MACROD2: variants seen among roughly 807,000 people sequenced by gnomAD.
MACROD2 encodes ADP-ribose glycohydrolase MACROD2.
MACROD2 carries 36 observed loss-of-function variants against 70.4 expected under a neutral mutation model. The observed-to-expected ratio is 0.51, with a 90% CI of 0.39 to 0.68. The LOEUF (loss-of-function observed/expected upper bound fraction) is 0.68. MACROD2 is among the 30% of genes least tolerant of loss of function. The probability of loss-of-function intolerance (pLI) is 0.00; values close to 1 mark genes in which losing one functional copy is unlikely to be tolerated. For missense variants in MACROD2, 496 were observed against 538.4 expected, an observed-to-expected ratio of 0.92 and a Z score of 0.78; for synonymous variants, 172 against 178.8, an observed-to-expected ratio of 0.96 and a Z score of 0.30.
At chr20:15,885,851 G>T in intron 10 of MACROD2, 40 bp downstream of exon 10, 1 of 1,477,162 alleles carries the variant, frequency 6.8e-7, no homozygotes, top group South Asian at 1.3e-5. Flanking sequence ...GGTAGGTAGG[G>T]GTCATTTTGT....
rs538874689 is a variant in MACROD2, at chr20:16,044,636, A to G, written c.1297A>G (p.Ile433Val). Residue 433 changes from isoleucine (I) to valine (V), a missense_variant, in exon 17 of 18, where the codon ATA (isoleucine) becomes GTA (valine). Ile to Val is a conservative substitution (Grantham distance 29). Coordinates refer to ENST00000684519, the MANE Select transcript of MACROD2 (RefSeq NM_001351661.2). ...PTESQQEDQL[I>V]AGAQDEAKEQ... is the part of the protein sequence containing the mutation. ...AGAGAGTCAACAAGAAGATCAACTA[A>G]TAGGTAAGATGCCCCTTGTGGTGAG... 1.9e-5 allele frequency: 30 copies of G among 1,611,444 alleles called. No individual in the cohort carries two copies. The highest frequency in any genetic ancestry group is 2.5e-5 in the Non-Finnish European group (30 of 1,178,068).
chr20:15,421,860 G>A (rs549877250), intron 6 of MACROD2, among the ~76,000 whole-genome samples: 2 of 152,320 alleles, frequency 1.3e-5, no homozygotes, highest in African/African-American at 4.8e-5. Context: ...GATGGGAGTT[G>A]TAAAGAGATA....
intron 5 of MACROD2, among the ~76,000 whole-genome samples, chr20:14,831,251 C>T (rs2072961889): frequency 6.6e-6 from 1 of 152,062 alleles, no homozygotes; most frequent in South Asian, 2.1e-4. Flanking sequence ...GTGGCTGACA[C>T]ACATATATCT....
intron 5 of MACROD2, among the ~76,000 whole-genome samples, chr20:15,017,428 C>T (rs2122951971): frequency 6.6e-6 from 1 of 152,304 alleles, no homozygotes; most frequent in African/African-American, 2.4e-5. Context: ...TTCCTGGCTG[C>T]TTTCACGGGC....
intron 6 of MACROD2, among the ~76,000 whole-genome samples, chr20:15,339,094 T>A (rs1863431818): frequency 6.6e-6 from 1 of 151,778 alleles, no homozygotes; most frequent in African/African-American, 2.4e-5. Context: ...TTAAAGAATA[T>A]TCACCGTGAT....
At chr20:15,214,522 T>TA (rs935429137) in intron 5 of MACROD2, among the ~76,000 whole-genome samples, 3 of 151,978 alleles carry the variant, frequency 2.0e-5, no homozygotes, top group Non-Finnish European at 2.9e-5. Flanking sequence ...ATTCCATCTC[T>TA]AAAAAAACAA....
chr20:15,927,323 A>G (rs1398643835), intron 10 of MACROD2, among the ~76,000 whole-genome samples: 1 of 152,146 alleles, frequency 6.6e-6, no homozygotes, highest in Non-Finnish European at 1.5e-5. Flanking sequence ...ACACCACAGA[A>G]AAAAGAGACA....
chr20:14,454,751 T>C (rs2084281535), intron 3 of MACROD2, among the ~76,000 whole-genome samples: 1 of 8,294 alleles, frequency 1.2e-4, no homozygotes. Context: ...TCTACACTCT[T>C]TTTTTTTTTT....
chr20:15,152,842 G>A (rs2076281123), intron 5 of MACROD2, among the ~76,000 whole-genome samples: 1 of 152,046 alleles, frequency 6.6e-6, no homozygotes, highest in Non-Finnish European at 1.5e-5. Context: ...CTGGAGTTTT[G>A]GGTCCACGGA....
chr20:14,282,444 T>C (rs2082313476), intron 3 of MACROD2, among the ~76,000 whole-genome samples: 1 of 152,172 alleles, frequency 6.6e-6, no homozygotes, highest in South Asian at 2.1e-4. Flanking sequence ...TTTTCCTTGG[T>C]TATGACCTCT....
intron 5 of MACROD2, among the ~76,000 whole-genome samples, chr20:15,011,963 A>G (rs1228441496): frequency 6.6e-6 from 1 of 152,194 alleles, no homozygotes; most frequent in Non-Finnish European, 1.5e-5. Context: ...AGCAGAAGTC[A>G]GAGAGGGGAG....
At chr20:14,078,088 G>A (rs1225996596) in intron 2 of MACROD2, among the ~76,000 whole-genome samples, 1 of 151,768 alleles carries the variant, frequency 6.6e-6, no homozygotes, top group Admixed American at 6.6e-5. Flanking sequence ...TTTTAGTATA[G>A]ACGGGGTTTC....
chr20:14,659,075 G>A (rs997743450), intron 4 of MACROD2, among the ~76,000 whole-genome samples: 2 of 152,122 alleles, frequency 1.3e-5, no homozygotes, highest in African/African-American at 2.4e-5. Flanking sequence ...TTTCTAAAAA[G>A]TTCCCAAGAG....
At chr20:14,747,208 T>C (rs1031764926) in intron 5 of MACROD2, among the ~76,000 whole-genome samples, 2 of 152,144 alleles carry the variant, frequency 1.3e-5, no homozygotes, top group Admixed American at 1.3e-4. Flanking sequence ...CTTTCCTGTC[T>C]TCATTCCTCC....
intron 5 of MACROD2, chr20:14,893,378 G>C (rs1198693186): frequency 1.3e-5 from 2 of 152,010 alleles, no homozygotes; most frequent in African/African-American, 4.8e-5. Flanking sequence ...ATTTAATACT[G>C]TTTTTGATAG....
intron 8 of MACROD2, among the ~76,000 whole-genome samples, chr20:15,733,459 C>A (rs2050974889): frequency 6.6e-6 from 1 of 151,938 alleles, no homozygotes; most frequent in South Asian, 2.1e-4. Context: ...GATTTTAGAT[C>A]TTTCTTTTTT....
At chr20:15,081,437 T>A (rs2075702866) in intron 5 of MACROD2, among the ~76,000 whole-genome samples, 1 of 152,174 alleles carries the variant, frequency 6.6e-6, no homozygotes, top group Non-Finnish European at 1.5e-5. Context: ...AGCTTAAATT[T>A]ATTTTTTCTG....
chr20:15,455,637 C>G (rs6079839), intron 7 of MACROD2, among the ~76,000 whole-genome samples: 31,342 of 152,046 alleles, frequency 0.21, 4,164 homozygotes, highest in East Asian at 0.66. Context: ...AAATAACTGT[C>G]AGGCCTGTCG....
At chr20:14,670,819 C>T (rs79275929) in intron 4 of MACROD2, among the ~76,000 whole-genome samples, 4,556 of 152,246 alleles carry the variant, frequency 0.03, 98 homozygotes, top group Non-Finnish European at 0.044. Flanking sequence ...TTCTTTCTAC[C>T]ACACCATAGT....
Sources: gnomAD v4.1 joint callset for allele counts (sites outside exome capture counted in the v4.1 genomes callset) on GRCh38, gnomAD v4.1.1 for gene constraint, MANE v1.5 for transcripts, NCBI Gene and HGNC (gene_info 2026-07-23, HGNC 2026-07-21) for gene names.